CLDN14: variants seen among roughly 807,000 people sequenced by gnomAD.
CLDN14 encodes the protein claudin-14.
A neutral mutation model predicts 2.1 loss-of-function variants in CLDN14; 2 were observed. The ratio of observed to expected loss-of-function variants is 0.96; its 90% CI spans 0.39 to 3.01. The LOEUF (loss-of-function observed/expected upper bound fraction) is 3.01. Ranked by LOEUF, CLDN14 falls within the 30% of genes most tolerant of loss-of-function variation. The probability of loss-of-function intolerance (pLI) is 0.09; values close to 1 mark genes in which losing one functional copy is unlikely to be tolerated. For missense variants in CLDN14, 298 were observed against 328.0 expected, an observed-to-expected ratio of 0.91 and a Z score of 0.71; for synonymous variants, 136 against 154.4, an observed-to-expected ratio of 0.88 and a Z score of 0.88.
intron 2 of CLDN14, among the ~76,000 whole-genome samples, chr21:36,490,949 GACACACACACACACACACACACAC>G (rs3030068): frequency 3.4e-5 from 5 of 148,756 alleles, no homozygotes; most frequent in Non-Finnish European, 7.4e-5. Context: ...CAAGTGCACA[GACACACACACACACACACACACAC>G]ACACACACAC....
intron 2 of CLDN14, among the ~76,000 whole-genome samples, chr21:36,492,582 T>C (rs2086979419): frequency 6.6e-6 from 1 of 151,914 alleles, no homozygotes; most frequent in Admixed American, 6.6e-5. Flanking sequence ...TGAGCAGTGA[T>C]TGTGCCACTG....
At chr21:36,559,808 C>T (rs868412133) in intron 1 of CLDN14, among the ~76,000 whole-genome samples, 1 of 152,130 alleles carries the variant, frequency 6.6e-6, no homozygotes, top group Non-Finnish European at 1.5e-5. Flanking sequence ...ATCTTGTTAC[C>T]CTAGAAACAT....
chr21:36,518,323 G>A (rs11701001), intron 1 of CLDN14, among the ~76,000 whole-genome samples: 103,151 of 152,134 alleles, frequency 0.68, 40,238 homozygotes, highest in Non-Finnish European at 0.9. Flanking sequence ...ACTTCTGGCC[G>A]GGCGTGGTGG....
At chr21:36,492,150 A>G (rs2086971819) in intron 2 of CLDN14, among the ~76,000 whole-genome samples, 1 of 147,226 alleles carries the variant, frequency 6.8e-6, no homozygotes, top group East Asian at 2.2e-4. Context: ...AAAAAAATGC[A>G]AGGGCCGGGC....
chr21:36,500,452 GAC>G (rs2087083190), intron 2 of CLDN14, among the ~76,000 whole-genome samples: 1 of 152,170 alleles, frequency 6.6e-6, no homozygotes, highest in Admixed American at 6.5e-5. Flanking sequence ...TTTAAATTTA[GAC>G]AGAGTCTTGT....
At chr21:36,562,924 TA>T (rs2087646585) in intron 1 of CLDN14, among the ~76,000 whole-genome samples, 1 of 152,162 alleles carries the variant, frequency 6.6e-6, no homozygotes, top group African/African-American at 2.4e-5. Flanking sequence ...ATGGGGCAAA[TA>T]ATAATATGGC....
intron 2 of CLDN14, among the ~76,000 whole-genome samples, chr21:36,508,106 G>C (rs2087149892): frequency 1.3e-5 from 2 of 152,160 alleles, no homozygotes; most frequent in South Asian, 4.1e-4. Flanking sequence ...TATTACAAAT[G>C]CTCTTGGCCG....
chr21:36,519,635 G>A (rs1051641515), intron 1 of CLDN14, among the ~76,000 whole-genome samples: 5 of 152,126 alleles, frequency 3.3e-5, no homozygotes, highest in East Asian at 1.9e-4. Flanking sequence ...TTTTGAACCC[G>A]GCAGGTGGAG....
chr21:36,523,309 G>A (rs1203297588), intron 1 of CLDN14, among the ~76,000 whole-genome samples: 2 of 152,226 alleles, frequency 1.3e-5, no homozygotes, highest in African/African-American at 2.4e-5. Context: ...TCAATAGGGT[G>A]TATATGTGTG....
At chr21:36,508,977 G>T (rs1451485046) in intron 2 of CLDN14, among the ~76,000 whole-genome samples, 1 of 152,202 alleles carries the variant, frequency 6.6e-6, no homozygotes. Context: ...TAAAGAAGCC[G>T]CTGAGGCTGC....
chr21:36,543,024 G>T (rs1373057288), intron 1 of CLDN14, among the ~76,000 whole-genome samples: 2 of 152,180 alleles, frequency 1.3e-5, no homozygotes, highest in East Asian at 1.9e-4. Flanking sequence ...GCGGGGGCAG[G>T]GGGGAGCACA....
At chr21:36,539,893 C>A (rs1043554921) in intron 1 of CLDN14, among the ~76,000 whole-genome samples, 1 of 132,798 alleles carries the variant, frequency 7.5e-6, no homozygotes, top group Non-Finnish European at 1.6e-5. Context: ...AGCGTCTGTG[C>A]AGAGGGAGTG....
intron 2 of CLDN14, among the ~76,000 whole-genome samples, chr21:36,490,145 T>C (rs1678452618): frequency 6.6e-6 from 1 of 152,180 alleles, no homozygotes; most frequent in South Asian, 2.1e-4. Flanking sequence ...CACTCAGATA[T>C]CATCAGATCC....
At chr21:36,529,352 C>A (rs1189968784) in intron 1 of CLDN14, among the ~76,000 whole-genome samples, 2 of 151,990 alleles carry the variant, frequency 1.3e-5, no homozygotes, top group African/African-American at 4.8e-5. Context: ...GCAGTGGCAC[C>A]ATCTTGACTC....
At chr21:36,470,705 G>A (rs1261619544) in intron 1 of CLDN14, among the ~76,000 whole-genome samples, 2 of 152,242 alleles carry the variant, frequency 1.3e-5, no homozygotes, top group Admixed American at 6.5e-5. Flanking sequence ...CAGGCCCCAT[G>A]GCACAGGCCT....
intron 1 of CLDN14, among the ~76,000 whole-genome samples, chr21:36,531,678 T>A (rs2087381120): frequency 6.6e-6 from 1 of 151,168 alleles, no homozygotes; most frequent in Admixed American, 6.6e-5. Flanking sequence ...CAGAGTGGAC[T>A]TCAGTCTTTG....
At chr21:36,484,103 G>A (rs540895316), upstream of CLDN14, among the ~76,000 whole-genome samples, 1 of 152,292 alleles carries the variant, frequency 6.6e-6, no homozygotes, top group African/African-American at 2.4e-5. Flanking sequence ...CTCAGACACG[G>A]TCTGGATTTA....
Position 36,461,663 on chromosome 21 carries a change from G to A in CLDN14, c.33C>T (p.Phe11=), listed in dbSNP as rs1217685959. Reference sequence around the variant, plus strand: ...CCACCATGCCCAGGAAGCTGAGCAGGAAGCCCAGAAGCTGCACGGCCGTGC... The same window carrying A: ...CCACCATGCCCAGGAAGCTGAGCAGAAAGCCCAGAAGCTGCACGGCCGTGC... The part of the protein sequence containing the change: MASTAVQLLG[F]LLSFLGMVGT... Residue 11 remains phenylalanine (F), a synonymous_variant, in exon 2 of 2, where the codon TTC becomes TTT. Coordinates refer to ENST00000399135, the MANE Select transcript of CLDN14 (RefSeq NM_001146079.2). 3.8e-6 allele frequency: 6 copies of A among 1,560,402 alleles called. No homozygotes were observed. The highest frequency in any genetic ancestry group is 5.2e-6 in the Non-Finnish European group (6 of 1,152,918).
chr21:36,571,695 A>G (rs1404972773), intron 1 of CLDN14, among the ~76,000 whole-genome samples: 4 of 152,142 alleles, frequency 2.6e-5, no homozygotes, highest in Non-Finnish European at 5.9e-5. Flanking sequence ...CGCCTTTTGC[A>G]ACTAAGAACA....
Sources: allele counts gnomAD v4.1 joint callset (sites outside exome capture counted in the v4.1 genomes callset), GRCh38; gene constraint gnomAD v4.1.1; transcripts MANE v1.5; gene names NCBI Gene and HGNC (gene_info 2026-07-23, HGNC 2026-07-21).